The following THSD7B variants were observed in gnomAD, a reference collection of about 807,000 sequenced individuals.
THSD7B encodes thrombospondin type 1 domain containing 7B, also known as thrombospondin type-1 domain-containing protein 7B.
In THSD7B, 138 loss-of-function variants were observed where a neutral mutation model predicts 213.6. The ratio of observed to expected loss-of-function variants is 0.65; its 90% CI spans 0.56 to 0.74. The LOEUF is 0.74. THSD7B is among the 30% of genes least tolerant of loss of function. The probability of loss-of-function intolerance (pLI) is 0.00; values close to 1 mark genes in which losing one functional copy is unlikely to be tolerated. For synonymous variants in THSD7B, 742 were observed against 687.0 expected (o/e 1.08, Z -1.25); for missense variants, 1,931 against 1,991.5 (o/e 0.97, Z 0.58).
At chr2:137,628,721 A>G (rs1682682908) in intron 20 of THSD7B, among the ~76,000 whole-genome samples, 1 of 152,222 alleles carries the variant, frequency 6.6e-6, no homozygotes, top group Non-Finnish European at 1.5e-5. Context: ...GGAAAAGGCA[A>G]GAAAGAATAA....
chr2:137,316,791 G>A (rs1442349023), intron 12 of THSD7B, among the ~76,000 whole-genome samples: 1 of 151,296 alleles, frequency 6.6e-6, no homozygotes, highest in Non-Finnish European at 1.5e-5. Context: ...AAAAAGAAAA[G>A]GCGACCAGGT....
intron 6 of THSD7B, among the ~76,000 whole-genome samples, chr2:137,163,408 G>A (rs78111043): frequency 0.012 from 1,880 of 152,304 alleles, 34 homozygotes; most frequent in African/African-American, 0.041. Context: ...GTTCTTGCAA[G>A]AAGAGGAAAA....
chr2:137,516,520 T>G (rs1680072407), intron 15 of THSD7B, among the ~76,000 whole-genome samples: 1 of 152,210 alleles, frequency 6.6e-6, no homozygotes, highest in African/African-American at 2.4e-5. Flanking sequence ...TGAGGACTAC[T>G]GGACATTGGC....
intron 17 of THSD7B, among the ~76,000 whole-genome samples, chr2:137,599,017 A>G (rs1047601260): frequency 3.3e-4 from 47 of 141,910 alleles, no homozygotes; most frequent in African/African-American, 1.1e-3. Context: ...ATATCTCCCA[A>G]TGCTATCCCT....
intron 26 of THSD7B, among the ~76,000 whole-genome samples, chr2:137,663,999 C>T (rs542919142): frequency 6.6e-6 from 1 of 152,120 alleles, no homozygotes; most frequent in Non-Finnish European, 1.5e-5. Context: ...TTACAGGTGC[C>T]TGCCACCACA....
chr2:137,325,124 T>G (rs1002326574), intron 12 of THSD7B, among the ~76,000 whole-genome samples: 1 of 152,204 alleles, frequency 6.6e-6, no homozygotes, highest in East Asian at 1.9e-4. Context: ...ATAACTCATC[T>G]CTCTGAATTC....
intron 1 of THSD7B, among the ~76,000 whole-genome samples, chr2:136,766,140 A>C (rs1399341385): frequency 6.6e-6 from 1 of 152,230 alleles, no homozygotes; most frequent in African/African-American, 2.4e-5. Flanking sequence ...GTTGTTCTGC[A>C]GGCTTTGCAA....
chr2:137,364,592 C>T lies in THSD7B; in HGVS notation c.2501-41021C>T, dbSNP rs116327692. On this transcript the variant is annotated intron_variant, in intron 12 of 27. Coordinates refer to ENST00000409968, the MANE Select transcript of THSD7B (RefSeq NM_001316349.2). Reference sequence around the variant, plus strand: ...TGCCAAAATCACAAGCATTCCTATACAGCAATGACAAACAGAGAGCCAAAT... The same window carrying T: ...TGCCAAAATCACAAGCATTCCTATATAGCAATGACAAACAGAGAGCCAAAT... Among the ~76,000 whole-genome samples the T allele has an allele frequency of 9.7e-3, 1,471 of 151,612 alleles. 8 individuals are homozygous for T. The highest frequency in any genetic ancestry group is 0.021 in the South Asian group (103 of 4,802).
chr2:137,072,553 G>C (rs1687518632), intron 3 of THSD7B, among the ~76,000 whole-genome samples: 1 of 152,002 alleles, frequency 6.6e-6, no homozygotes, highest in African/African-American at 2.4e-5. Context: ...CTGCAAATAG[G>C]GACAATTTGA....
At chr2:137,089,142 G>A (rs1437499114) in intron 3 of THSD7B, among the ~76,000 whole-genome samples, 3 of 151,574 alleles carry the variant, frequency 2.0e-5, no homozygotes, top group East Asian at 1.9e-4. Context: ...GTCATTATAC[G>A]AAAAATATAG....
chr2:137,415,077 A>G (rs1305899288), intron 14 of THSD7B, among the ~76,000 whole-genome samples: 1 of 150,490 alleles, frequency 6.6e-6, no homozygotes, highest in Non-Finnish European at 1.5e-5. Flanking sequence ...AAAAATTATT[A>G]TCATGGGCAA....
At chr2:137,317,188 A>T (rs1179889256) in intron 12 of THSD7B, among the ~76,000 whole-genome samples, 1 of 152,194 alleles carries the variant, frequency 6.6e-6, no homozygotes, top group Non-Finnish European at 1.5e-5. Flanking sequence ...CAGTGAAATG[A>T]GACTATCCTA....
In THSD7B at chr2:137,570,793, C is replaced by G. The variant is rs78008801; in HGVS notation, c.3273-1613C>G. On this transcript the variant is annotated intron_variant, in intron 16 of 27. Transcript: ENST00000409968. ...ATAGTGCTAGGGATCATGTCTGTCT[C>G]TATTTCAGTTCTGTACCCCAACACC... 2.6e-5 allele frequency among the ~76,000 whole-genome samples: 4 copies of G among 152,144 alleles called. No individual in the cohort carries two copies. The East Asian group carries it at 7.7e-4, about 29-fold the overall frequency.
chr2:137,073,860 A>T (rs1335382434), intron 3 of THSD7B, among the ~76,000 whole-genome samples: 4 of 152,176 alleles, frequency 2.6e-5, no homozygotes, highest in African/African-American at 9.7e-5. Context: ...GTCATTCAGG[A>T]GCAGGTTGTT....
At chr2:137,022,279 T>G (rs1390173438) in intron 2 of THSD7B, among the ~76,000 whole-genome samples, 2 of 152,242 alleles carry the variant, frequency 1.3e-5, no homozygotes, top group Non-Finnish European at 2.9e-5. Flanking sequence ...TTAAACTGGT[T>G]GTACCATTTT....
chr2:137,047,401 G>T (rs1275287809), intron 2 of THSD7B, among the ~76,000 whole-genome samples: 2 of 152,228 alleles, frequency 1.3e-5, no homozygotes, highest in Non-Finnish European at 2.9e-5. Flanking sequence ...ACCGAGCACA[G>T]GCTCAGGTGC....
intron 20 of THSD7B, among the ~76,000 whole-genome samples, chr2:137,636,128 G>A (rs1320194780): frequency 1.3e-5 from 2 of 152,130 alleles, no homozygotes; most frequent in Non-Finnish European, 2.9e-5. Context: ...AGACAGCCAA[G>A]CCCCTCATAA....
At chr2:137,345,875 G>A (rs1448019888) in intron 12 of THSD7B, among the ~76,000 whole-genome samples, 1 of 151,380 alleles carries the variant, frequency 6.6e-6, no homozygotes, top group Admixed American at 6.6e-5. Flanking sequence ...ACATATATAT[G>A]AACAGACACA....
At chr2:137,441,529 C>A (rs1687412442) in intron 14 of THSD7B, among the ~76,000 whole-genome samples, 1 of 152,034 alleles carries the variant, frequency 6.6e-6, no homozygotes, top group Admixed American at 6.6e-5. Flanking sequence ...TTAGGTTAGG[C>A]CATGACATAT....
Sources: allele counts gnomAD v4.1 joint callset (sites outside exome capture counted in the v4.1 genomes callset), GRCh38; gene constraint gnomAD v4.1.1; transcripts MANE v1.5; gene names NCBI Gene and HGNC (gene_info 2026-07-23, HGNC 2026-07-21).